The following ACAP1 variants were observed in gnomAD, a reference collection of about 807,000 sequenced individuals.
ACAP1 encodes the protein arf-GAP with coiled-coil, ANK repeat and PH domain-containing protein 1.
Under a neutral mutation model 98.8 loss-of-function variants are expected in ACAP1, and 45 were observed. The observed-to-expected ratio is 0.46, with a 90% CI of 0.36 to 0.58. ACAP1 has a LOEUF of 0.58. Ranked by LOEUF, ACAP1 falls within the 20% of genes least tolerant of loss-of-function variation. The pLI is 0.00. For missense variants in ACAP1, 735 were observed against 971.4 expected, an observed-to-expected ratio of 0.76 and a Z score of 3.24; for synonymous variants, 362 against 375.3, an observed-to-expected ratio of 0.96 and a Z score of 0.41.
rs1295229946 is a variant in ACAP1, at chr17:7,349,031, G to C, written c.1715G>C (p.Gly572Ala). The change falls in exon 18 of 22, where the codon GGG (glycine) becomes GCG (alanine). Residue 572 changes from glycine to alanine, a missense_variant. Around this residue, in one of 5 missense-constraint regions of ACAP1, gnomAD observed 80 missense variants for 64.4 expected, o/e 1.24. Transcript: ENST00000158762. Reference protein sequence around the residue: ...PSEDLGSLHPGALLFRASGHP... With the variant: ...PSEDLGSLHPAALLFRASGHP... ...GAGGACCTGGGAAGCCTGCACCCTG[G>C]GGCCCTACTGTTTCGAGCGTCTGGG... The C allele has an allele frequency of 1.2e-6, 2 of 1,613,620 alleles. No homozygotes were observed. Among genetic ancestry groups the C allele is most frequent in the East Asian group, 4.5e-5 (2 of 44,874 alleles).
intron 3 of ACAP1, 85 bp downstream of exon 3, chr17:7,342,152 G>A (rs1427827177): frequency 2.5e-6 from 4 of 1,607,932 alleles, no homozygotes; most frequent in African/African-American, 2.7e-5. Flanking sequence ...CCTGGGGTCT[G>A]CAGGTTCCAG....
Position 7,343,421 on chromosome 17 carries a change from G to A in ACAP1, c.387G>A (p.Arg129=), listed in dbSNP as rs781018330. 1 of 1,613,882 alleles carries A rather than the reference G, an allele frequency of 6.2e-7. No individual in the cohort carries two copies. Reference sequence around the variant, plus strand: ...GAGAGGCTCGCCGGGATTTCTGGCGGGGGGCTGAGAGCCTGGAGGCTGCCC... The same window carrying A: ...GAGAGGCTCGCCGGGATTTCTGGCGAGGGGCTGAGAGCCTGGAGGCTGCCC... ...GFREARRDFW[R]GAESLEAALT... The change falls in exon 6 of 22, where the codon CGG becomes CGA. Residue 129 remains arginine (R), a synonymous_variant. Coordinates refer to ENST00000158762, the MANE Select transcript of ACAP1 (RefSeq NM_014716.4). The surrounding 1 kb of genome is among the most constrained non-coding windows in gnomAD (Gnocchi z 4.9).
intron 17 of ACAP1, 128 bp downstream of exon 17, chr17:7,348,603 G>A (rs1042040101): frequency 2.2e-5 from 23 of 1,053,998 alleles, no homozygotes; most frequent in Middle Eastern, 3.2e-4. Flanking sequence ...CCGGACTGCC[G>A]TTTCAGGGGT....
At chr17:7,341,682 T>C (rs1249484692) in intron 2 of ACAP1, among the ~76,000 whole-genome samples, 2 of 152,188 alleles carry the variant, frequency 1.3e-5, no homozygotes, top group Non-Finnish European at 2.9e-5. Flanking sequence ...GAGGTAAGGC[T>C]GACAGAGGTG....
chr17:7,350,118 T>G lies in ACAP1; in HGVS notation c.1962-9T>G. 6.2e-7 allele frequency: 1 copy of G among 1,613,912 alleles called. No homozygotes were observed. The highest frequency in any genetic ancestry group is 8.5e-7 in the Non-Finnish European group (1 of 1,179,804). ...TGGGCGGCCGGCTGACCCTGGCTCTTCTCTCCAGGCTCGCCTGCCTGTTCC... is the reference window on the plus strand; with the variant it reads ...TGGGCGGCCGGCTGACCCTGGCTCTGCTCTCCAGGCTCGCCTGCCTGTTCC... On this transcript the variant is annotated splice_polypyrimidine_tract_variant and intron_variant, in intron 19 of 21. Coordinates refer to ENST00000158762, the MANE Select transcript of ACAP1 (RefSeq NM_014716.4). The surrounding 1 kb of genome is among the most constrained non-coding windows in gnomAD (Gnocchi z 4.6).
Position 7,344,220 on chromosome 17 carries a change from T to G in ACAP1, c.744+97T>G, listed in dbSNP as rs1009727239. 1 of 1,327,580 alleles carries G rather than the reference T, an allele frequency of 7.5e-7. No homozygotes were observed. Among genetic ancestry groups the G allele is most frequent in the Admixed American group, 2.1e-5 (1 of 46,760 alleles). The allele number at this position is 1,327,580 out of a possible 1,614,324, so 82.2% of individuals were successfully genotyped here. A position where few individuals can be genotyped will look rare whatever the true frequency, so the allele number is the denominator to read the frequency against. ...TGAGGCCTGGAGTTCAAGATTAGCC[T>G]AGGCATCGTAGTGAAACTCCATCTC... is the stretch of plus-strand genomic sequence containing the variant. On this transcript the variant is annotated intron_variant, in intron 9 of 21. Coordinates refer to ENST00000158762, the MANE Select transcript of ACAP1 (RefSeq NM_014716.4). The surrounding 1 kb of genome is among the most constrained non-coding windows in gnomAD (Gnocchi z 4.9).
rs955438711 is a variant in ACAP1, at chr17:7,336,651, C to G, written c.-84C>G. The G allele has an allele frequency of 1.4e-6, 2 of 1,469,660 alleles. No individual in the cohort carries two copies. The highest frequency in any genetic ancestry group is 1.7e-5 in the Admixed American group (1 of 59,712). 91.0% of individuals were successfully genotyped at this position (1,469,660 alleles called of 1,614,324 possible). On this transcript the variant is annotated 5_prime_UTR_variant, in exon 1 of 22. Transcript: ENST00000158762. ...CTCTCCTCCTTCCCCCTCATCTCCCCTTCCTGGGACAGAAAGTGCCTCCAC... is the reference window on the plus strand; with the variant it reads ...CTCTCCTCCTTCCCCCTCATCTCCCGTTCCTGGGACAGAAAGTGCCTCCAC...
Position 7,343,651 on chromosome 17 carries a change from T to C in ACAP1, c.529-55T>C. Reference sequence around the variant, plus strand: ...GTCTCCAGTGTGCAGTGGGAAGGGGTGCTGTGTCTTCAAGACTGATCTGGG... The same window carrying C: ...GTCTCCAGTGTGCAGTGGGAAGGGGCGCTGTGTCTTCAAGACTGATCTGGG... On this transcript the variant is annotated intron_variant, in intron 6 of 21. Coordinates refer to ENST00000158762, the MANE Select transcript of ACAP1 (RefSeq NM_014716.4). The surrounding 1 kb of genome is among the most constrained non-coding windows in gnomAD (Gnocchi z 4.9). The C allele has an allele frequency of 6.3e-7, 1 of 1,599,452 alleles. No homozygotes were observed. Among genetic ancestry groups the C allele is most frequent in the East Asian group, 2.2e-5 (1 of 44,690 alleles).
chr17:7,346,256 C>A lies in ACAP1; in HGVS notation c.867C>A (p.Thr289=), dbSNP rs750587975. 1.2e-6 allele frequency: 2 copies of A among 1,614,182 alleles called. No individual in the cohort carries two copies. Among genetic ancestry groups the A allele is most frequent in the South Asian group, 2.2e-5 (2 of 91,042 alleles). The change falls in exon 11 of 22, where the codon ACC becomes ACA. Residue 289 remains threonine (T), a synonymous_variant. Transcript: ENST00000158762. ...AFKTWSRRWF[T]IQSNQLVYQK... The stretch of plus-strand genomic sequence containing the variant: ...CCTTCTCTTACAGACGCTGGTTCAC[C>A]ATTCAGAGCAACCAACTGGTTTACC...
Position 7,343,239 on chromosome 17 carries a change from C to A in ACAP1, c.345-140C>A. ...TGTGAGATTGGGGGTTTCTGGTGTC[C>A]TGACTTCCGTCCCAGGGATCACCTT... On this transcript the variant is annotated intron_variant, in intron 5 of 21. Transcript: ENST00000158762. This position sits in a 1 kb window ranked among gnomAD's most constrained non-coding sequence, Gnocchi z 4.9. 1.1e-6 allele frequency: 1 copy of A among 870,082 alleles called. No homozygotes were observed. Among genetic ancestry groups the A allele is most frequent in the Non-Finnish European group, 1.7e-6 (1 of 571,672 alleles). 53.9% of individuals were successfully genotyped at this position (870,082 alleles called of 1,614,324 possible).
chr17:7,341,335 G>A lies in ACAP1; in HGVS notation c.112-613G>A, dbSNP rs568815222. 5.9e-5 allele frequency among the ~76,000 whole-genome samples: 9 copies of A among 152,184 alleles called. No homozygotes were observed. The East Asian group carries it at 7.8e-4, about 13-fold the overall frequency. ...CAGCTCACTACAGCCTCAGCCTCCCGGGTTCAAGCAGTCCTCCTGCCTTAG... is the reference window on the plus strand; with the variant it reads ...CAGCTCACTACAGCCTCAGCCTCCCAGGTTCAAGCAGTCCTCCTGCCTTAG... On this transcript the variant is annotated intron_variant, in intron 2 of 21. Transcript: ENST00000158762.
Position 7,336,750 on chromosome 17 carries a change from G to A in ACAP1, c.16G>A (p.Asp6Asn), listed in dbSNP as rs1378746072. Residue 6 changes from aspartate to asparagine, a missense_variant, in exon 1 of 22, where the codon GAT becomes AAT. By Grantham distance (23) the Asp-to-Asn change is conservative. Transcript: ENST00000158762. ...GCAAGCTGAGATGACGGTCAAGCTG[G>A]ATTTCGAGGAGTGTCTCAAGGACTC... MTVKL[D>N]FEECLKDSPR... The A allele has an allele frequency of 2.5e-6, 4 of 1,613,840 alleles. No homozygotes were observed. The African/African-American group carries it at 5.3e-5, about 22-fold the overall frequency.
Position 7,337,345 on chromosome 17 carries a change from A to G in ACAP1, c.87A>G (p.Ser29=). ...ASIELVEAEV[S]ELETRLEKLL... is the part of the protein sequence containing the mutation. ...TTGAGCTGGTGGAAGCCGAAGTGTC[A>G]GAATTGGAGACCCGTCTGGAAAAGG... Residue 29 remains serine (S), a synonymous_variant, in exon 2 of 22, where the codon TCA becomes TCG. Transcript: ENST00000158762. 1 of 1,614,140 alleles carries G rather than the reference A, an allele frequency of 6.2e-7. No individual in the cohort carries two copies. The highest frequency in any genetic ancestry group is 8.5e-7 in the Non-Finnish European group (1 of 1,180,000).
chr17:7,347,930 G>A lies in ACAP1; in HGVS notation c.1352G>A (p.Gly451Asp). The A allele has an allele frequency of 1.9e-6, 3 of 1,614,168 alleles. No individual in the cohort carries two copies. Among genetic ancestry groups the A allele is most frequent in the Non-Finnish European group, 8.5e-7 (1 of 1,180,020 alleles). ...CCCCTCTGGCCCTCCAGGAGCCTTG[G>A]TGTTCACTTCTCCAAAGTCCGGTCT... is the stretch of plus-strand genomic sequence containing the variant. ...IQCSGIHRSL[G>D]VHFSKVRSLT... The change falls in exon 15 of 22, where the codon GGT (glycine) becomes GAT (aspartate). Residue 451 changes from glycine to aspartate, a missense_variant. Transcript: ENST00000158762.
chr17:7,341,396 C>A (rs576130152), intron 2 of ACAP1, among the ~76,000 whole-genome samples: 1 of 152,370 alleles, frequency 6.6e-6, no homozygotes, highest in East Asian at 1.9e-4. Context: ...CATGTGCCAC[C>A]ATGCCTGGCT....
At chr17:7,341,026 C>T (rs1253748569) in intron 2 of ACAP1, among the ~76,000 whole-genome samples, 1 of 152,034 alleles carries the variant, frequency 6.6e-6, no homozygotes. Flanking sequence ...GGATGGGCCC[C>T]AGGAGTACCC....
chr17:7,341,819 G>A (rs1240277186), intron 2 of ACAP1, 129 bp from the exon 3 acceptor site: 1 of 1,308,300 alleles, frequency 7.6e-7, no homozygotes, highest in Non-Finnish European at 1.1e-6. Flanking sequence ...GAGCCTGGAG[G>A]GCAGTGAGGC....
chr17:7,350,352 T>A lies in ACAP1; in HGVS notation c.2072+115T>A. 1.2e-6 allele frequency: 1 copy of A among 836,018 alleles called. No homozygotes were observed. Among genetic ancestry groups the A allele is most frequent in the Non-Finnish European group, 1.8e-6 (1 of 544,026 alleles). 51.8% of individuals were successfully genotyped at this position (836,018 alleles called of 1,614,324 possible). A position where few individuals can be genotyped will look rare whatever the true frequency, so the allele number is the denominator to read the frequency against. The stretch of plus-strand genomic sequence containing the variant: ...AAACAGAAGCCTGTGCTGTGGGGCC[T>A]CGGAAAGGGGCTGGGCCAGCGCCGG... On this transcript the variant is annotated intron_variant, in intron 20 of 21. Coordinates refer to ENST00000158762, the MANE Select transcript of ACAP1 (RefSeq NM_014716.4). The surrounding 1 kb of genome is among the most constrained non-coding windows in gnomAD (Gnocchi z 4.6).
chr17:7,350,036 C>T lies in ACAP1; in HGVS notation c.1943C>T (p.Thr648Ile), dbSNP rs756191239. 2.5e-6 allele frequency: 4 copies of T among 1,613,276 alleles called. No individual in the cohort carries two copies. Among genetic ancestry groups the T allele is most frequent in the Non-Finnish European group, 3.4e-6 (4 of 1,179,374 alleles). ...SAGRGPLHHA[T>I]ILGHTGLACL... ...GGCCGGGGCCCGCTGCACCACGCAA[C>T]CATTCTTGGCCACACGGGGTAGGGA... The change falls in exon 19 of 22, where the codon ACC becomes ATC. Residue 648 changes from threonine to isoleucine, a missense_variant. Physicochemically the swap from Thr to Ile is moderately conservative, Grantham distance 89. Around this residue, in one of 5 missense-constraint regions of ACAP1, gnomAD observed 142 missense variants for 224.1 expected, o/e 0.63. Coordinates refer to ENST00000158762, the MANE Select transcript of ACAP1 (RefSeq NM_014716.4). This position sits in a 1 kb window ranked among gnomAD's most constrained non-coding sequence, Gnocchi z 4.6.
Sources: gnomAD v4.1 joint callset for allele counts (sites outside exome capture counted in the v4.1 genomes callset) on GRCh38, gnomAD v4.1.1 for gene constraint, gnomAD v4.1.1 regional missense constraint, Gnocchi (gnomAD v3.1) non-coding constraint, MANE v1.5 for transcripts, NCBI Gene and HGNC (gene_info 2026-07-23, HGNC 2026-07-21) for gene names.